LYN: variants seen among roughly 807,000 people sequenced by gnomAD.
The protein encoded by LYN is tyrosine-protein kinase Lyn.
LYN carries 12 observed loss-of-function variants against 65.0 expected under a neutral mutation model. The ratio of observed to expected loss-of-function variants is 0.18; its 90% CI spans 0.12 to 0.30. The LOEUF (loss-of-function observed/expected upper bound fraction) is 0.30, where lower values mean the gene tolerates loss of function less well. LYN is among the 10% of genes least tolerant of loss of function. The pLI is 1.00. For synonymous variants in LYN, 222 were observed against 221.2 expected, an observed-to-expected ratio of 1.00 and a Z score of -0.03; for missense variants, 380 against 623.2, an observed-to-expected ratio of 0.61 and a Z score of 4.16.
rs564962077 is a variant in LYN, at chr8:56,005,534, C to G, written c.1337-4374C>G. ...CTGAGTTGGGATGGGCCGCCTTGCCCGTTGTCAGTGCCCCTCTCTGCAGGC... is the reference window on the plus strand; with the variant it reads ...CTGAGTTGGGATGGGCCGCCTTGCCGGTTGTCAGTGCCCCTCTCTGCAGGC... On this transcript the variant is annotated intron_variant, in intron 12 of 12. Coordinates refer to ENST00000519728, the MANE Select transcript of LYN (RefSeq NM_002350.4). 3.3e-5 allele frequency among the ~76,000 whole-genome samples: 5 copies of G among 152,320 alleles called. No individual in the cohort carries two copies. In the South Asian group the frequency reaches 1.0e-3, roughly 32 times the overall value.
In LYN at chr8:55,942,602, T is replaced by A. The variant is rs926082336; in HGVS notation, c.132+611T>A. Among the ~76,000 whole-genome samples the A allele has an allele frequency of 1.1e-4, 17 of 150,992 alleles. 1 individual carries two copies. Among genetic ancestry groups the A allele is most frequent in the Admixed American group, 4.0e-4 (6 of 15,104 alleles). ...GAGCTCGAGACCAGCCTGGCCAACA[T>A]AGTGAAACCCCATCTCTACTAAAAA... is the stretch of plus-strand genomic sequence containing the variant. On this transcript the variant is annotated intron_variant, in intron 2 of 12. Transcript: ENST00000519728.
rs1554518222 is a variant in LYN at position 55,986,194 on chromosome 8, C to CCA, written c.1051-12152_1051-12151insCA. On this transcript the variant is annotated intron_variant, in intron 10 of 12. Transcript: ENST00000519728. Reference sequence around the variant, plus strand: ...AAAAAATCCACCAGAATCCCCCCCGCAAAAAAAAACGCTACCTTATGTATA... The same window carrying CCA: ...AAAAAATCCACCAGAATCCCCCCCGCCAAAAAAAAAACGCTACCTTATGTATA... Among the ~76,000 whole-genome samples the CCA allele has an allele frequency of 2.5e-3, 358 of 146,030 alleles. 1 individual carries two copies. The highest frequency in any genetic ancestry group is 8.1e-3 in the African/African-American group (324 of 39,764).
At chr8:55,933,904 G>T (rs1427118027) in intron 1 of LYN, among the ~76,000 whole-genome samples, 1 of 152,186 alleles carries the variant, frequency 6.6e-6, no homozygotes, top group East Asian at 1.9e-4. Flanking sequence ...TCTACCTACG[G>T]CTGTGCTTAT....
At chr8:55,959,186 A>G (rs913242001) in intron 8 of LYN, among the ~76,000 whole-genome samples, 3 of 152,264 alleles carry the variant, frequency 2.0e-5, no homozygotes, top group East Asian at 1.9e-4. Context: ...TGTCATTTTA[A>G]TAGATGTGAG....
intron 10 of LYN, among the ~76,000 whole-genome samples, chr8:55,984,246 G>A (rs1808011433): frequency 6.6e-6 from 1 of 152,104 alleles, no homozygotes; most frequent in Non-Finnish European, 1.5e-5. Context: ...GAGTTTTGGG[G>A]GGACATTAGT....
At chr8:55,977,459 G>T (rs920459573) in intron 10 of LYN, among the ~76,000 whole-genome samples, 2 of 152,070 alleles carry the variant, frequency 1.3e-5, no homozygotes, top group African/African-American at 2.4e-5. Context: ...TATAGAAATT[G>T]GTCTGTTTTG....
chr8:55,937,466 T>C (rs1806467120), intron 1 of LYN, among the ~76,000 whole-genome samples: 1 of 152,238 alleles, frequency 6.6e-6, no homozygotes, highest in African/African-American at 2.4e-5. Context: ...CACTTTGTTC[T>C]AACTTAAAGA....
chr8:55,950,433 C>T, intron 4 of LYN, 26 bp from the exon 5 acceptor site: 1 of 1,508,962 alleles, frequency 6.6e-7, no homozygotes, highest in Non-Finnish European at 9.1e-7. Context: ...CTTTTAGCTT[C>T]TTTTTGATGT....
At position 55,983,741 on chromosome 8, in the gene LYN, C is replaced by T. The variant is rs114057898; in HGVS notation, c.1050+13948C>T. Among the ~76,000 whole-genome samples the T allele has an allele frequency of 7.3e-3, 1,108 of 152,316 alleles. 13 individuals are homozygous for T. The highest frequency in any genetic ancestry group is 0.024 in the African/African-American group (1,006 of 41,562). On this transcript the variant is annotated intron_variant, in intron 10 of 12. Transcript: ENST00000519728. ...CACTGTTCTCTGCTTTTCCTTCCCC[C>T]TCACCAGCCAGCTTCTCATTTGCCC...
chr8:55,927,405 C>T (rs1806138053), intron 1 of LYN, among the ~76,000 whole-genome samples: 1 of 152,092 alleles, frequency 6.6e-6, no homozygotes, highest in Non-Finnish European at 1.5e-5. Flanking sequence ...CCTCTATGTC[C>T]TTTCATGGTT....
In LYN at chr8:56,011,493, C is replaced by T; in HGVS notation, c.*1383C>T. On this transcript the variant is annotated 3_prime_UTR_variant, in exon 13 of 13. Coordinates refer to ENST00000519728, the MANE Select transcript of LYN (RefSeq NM_002350.4). ...ATTCAACAGAGCTACATGCTTTAAA[C>T]TTGCCCAAGTTCTACCTCCTTCCTT... 1 of 200,200 alleles carries T rather than the reference C, an allele frequency of 5.0e-6. No homozygotes were observed. Among genetic ancestry groups the T allele is most frequent in the Admixed American group, 6.0e-5 (1 of 16,650 alleles). 12.4% of individuals were successfully genotyped at this position (200,200 alleles called of 1,614,324 possible).
At chr8:55,976,910 C>G (rs1173612228) in intron 10 of LYN, among the ~76,000 whole-genome samples, 4 of 152,104 alleles carry the variant, frequency 2.6e-5, no homozygotes, top group Non-Finnish European at 5.9e-5. Flanking sequence ...CTAGGCCGAG[C>G]ACAGTGGCTC....
At chr8:55,936,471 C>T (rs977822322) in intron 1 of LYN, among the ~76,000 whole-genome samples, 2 of 152,164 alleles carry the variant, frequency 1.3e-5, no homozygotes, top group African/African-American at 4.8e-5. Flanking sequence ...GAAACCCTGT[C>T]TCTACTAAAA....
At chr8:55,939,445 C>T (rs1175046120) in intron 1 of LYN, among the ~76,000 whole-genome samples, 1 of 147,152 alleles carries the variant, frequency 6.8e-6, no homozygotes, top group African/African-American at 2.7e-5. Context: ...TGTTTCCGTC[C>T]TTCCTTTTCC....
rs865922661 is a variant in LYN at position 56,010,475 on chromosome 8, G to A, written c.*365G>A. On this transcript the variant is annotated 3_prime_UTR_variant, in exon 13 of 13. Coordinates refer to ENST00000519728, the MANE Select transcript of LYN (RefSeq NM_002350.4). ...TCAAAGTTTCAGAGACCATTGCAAT[G>A]AATCCCCAATAATTGCAGAACTAAA... The A allele has an allele frequency of 3.0e-5, 9 of 296,996 alleles. No individual in the cohort carries two copies. The highest frequency in any genetic ancestry group is 4.7e-5 in the Admixed American group (1 of 21,458). 18.4% of individuals were successfully genotyped at this position (296,996 alleles called of 1,614,324 possible). A position where few individuals can be genotyped will look rare whatever the true frequency, so the allele number is the denominator to read the frequency against.
At chr8:55,885,419 T>C (rs1254097087) in intron 1 of LYN, among the ~76,000 whole-genome samples, 1 of 152,202 alleles carries the variant, frequency 6.6e-6, no homozygotes, top group African/African-American at 2.4e-5. Context: ...GAAATCTTGC[T>C]CACTCCTCTT....
Position 56,010,413 on chromosome 8 carries a change from A to G in LYN, c.*303A>G, listed in dbSNP as rs144507495. 117 of 397,098 alleles carry G rather than the reference A, an allele frequency of 2.9e-4. No homozygotes were observed. In the East Asian group the frequency reaches 4.2e-3, roughly 14 times the overall value. The allele number at this position is 397,098 out of a possible 1,614,324, so 24.6% of individuals were successfully genotyped here. On this transcript the variant is annotated 3_prime_UTR_variant, in exon 13 of 13. Coordinates refer to ENST00000519728, the MANE Select transcript of LYN (RefSeq NM_002350.4). ...AAACATCTATTCTCTCCAAAAATGC[A>G]CCCAACTAGCTCTATGTTTACAAAT...
chr8:55,988,948 T>A (rs1460313446), intron 10 of LYN, among the ~76,000 whole-genome samples: 2 of 151,726 alleles, frequency 1.3e-5, no homozygotes, highest in Admixed American at 6.6e-5. Flanking sequence ...TGCCAATTTC[T>A]CAAAAAGCGA....
intron 1 of LYN, among the ~76,000 whole-genome samples, chr8:55,902,331 CTT>C (rs11424283): frequency 1.5e-5 from 2 of 134,130 alleles, no homozygotes; most frequent in African/African-American, 2.7e-5. Flanking sequence ...TTCTTTCTTT[CTT>C]TTTTTTTTTT....
Sources: allele counts gnomAD v4.1 joint callset (sites outside exome capture counted in the v4.1 genomes callset), GRCh38; gene constraint gnomAD v4.1.1; transcripts MANE v1.5; gene names NCBI Gene and HGNC (gene_info 2026-07-23, HGNC 2026-07-21).